The following COLEC11 variants were observed in gnomAD, a reference collection of about 807,000 sequenced individuals.
COLEC11 encodes collectin subfamily member 11, also known as collectin-11.
Under a neutral mutation model 27.3 loss-of-function variants are expected in COLEC11, and 20 were observed. The observed-to-expected ratio is 0.73, with a 90% CI of 0.51 to 1.06. COLEC11 has a LOEUF of 1.06. COLEC11 is among the 50% of genes least tolerant of loss of function. COLEC11 has a pLI of 0.00. For missense variants in COLEC11, 310 were observed against 383.0 expected (o/e 0.81, Z 1.59); for synonymous variants, 163 against 154.7 (o/e 1.05, Z -0.40).
chr2:3,630,686 G>C (rs578242540), intron 3 of COLEC11, among the ~76,000 whole-genome samples: 1 of 152,322 alleles, frequency 6.6e-6, no homozygotes, highest in African/African-American at 2.4e-5. Context: ...GAAGGGCTCT[G>C]GTGAAGCTTC....
At position 3,626,243 on chromosome 2, in the gene COLEC11, T is replaced by G. The variant is rs1202568753; in HGVS notation, c.203-11290T>G. ...GACGTGGTTTGCTGGGAGGGAGGAA[T>G]ATTGTTAGGCACAATGCGGTCCCAG... On this transcript the variant is annotated intron_variant, in intron 3 of 6. Coordinates refer to ENST00000349077, the MANE Select transcript of COLEC11 (RefSeq NM_024027.5). The G allele has an allele frequency of 3.8e-6, 3 of 785,806 alleles. No homozygotes were observed. The East Asian group carries it at 7.4e-5, about 19-fold the overall frequency. 48.7% of individuals were successfully genotyped at this position (785,806 alleles called of 1,614,324 possible). A position where few individuals can be genotyped will look rare whatever the true frequency, so the allele number is the denominator to read the frequency against.
At chr2:3,614,773 CAAAGT>C (rs1208984643) in intron 3 of COLEC11, among the ~76,000 whole-genome samples, 2 of 152,092 alleles carry the variant, frequency 1.3e-5, no homozygotes, top group Admixed American at 1.3e-4. Context: ...AGAAACCTGG[CAAAGT>C]AAACGAAAAA....
intron 4 of COLEC11, among the ~76,000 whole-genome samples, chr2:3,639,725 C>T (rs141678658): frequency 1.8e-4 from 27 of 152,016 alleles, no homozygotes; most frequent in African/African-American, 6.3e-4. Flanking sequence ...TGGCTTGTCC[C>T]ATCTAACTGG....
chr2:3,609,590 C>T (rs548811749), intron 2 of COLEC11, among the ~76,000 whole-genome samples: 3 of 151,246 alleles, frequency 2.0e-5, no homozygotes, highest in African/African-American at 2.4e-5. Context: ...AGTGCAATAG[C>T]GTGATCTTGG....
intron 2 of COLEC11, among the ~76,000 whole-genome samples, chr2:3,609,538 T>C (rs1051269393): frequency 6.6e-6 from 1 of 151,326 alleles, no homozygotes; most frequent in African/African-American, 2.4e-5. Flanking sequence ...TCCTGCTATT[T>C]TTTTTTTTGA....
intron 1 of COLEC11, among the ~76,000 whole-genome samples, chr2:3,598,971 T>C (rs1662043495): frequency 1.3e-5 from 2 of 152,172 alleles, no homozygotes; most frequent in Admixed American, 6.5e-5. Context: ...AAACCTATTT[T>C]TAAAAATCCC....
At chr2:3,621,107 TGTTGAAA>T (rs1157098857) in intron 3 of COLEC11, among the ~76,000 whole-genome samples, 1 of 152,212 alleles carries the variant, frequency 6.6e-6, no homozygotes, top group Non-Finnish European at 1.5e-5. Context: ...ATCTTTCCAT[TGTTGAAA>T]GTGAGGTATT....
intron 2 of COLEC11, chr2:3,605,988 C>T: frequency 1.4e-6 from 2 of 1,396,692 alleles, no homozygotes; most frequent in Admixed American, 2.2e-5. Flanking sequence ...ATAAATGTAC[C>T]TGCTTTAGAA....
In COLEC11 at chr2:3,604,563, A is replaced by T. The variant is rs1572389821; in HGVS notation, c.130+93A>T. ...ACTGCGCAGTTCCACGGAAAAGCAC[A>T]AAGCCCCAGCAAATCTGCTTACCCC... On this transcript the variant is annotated intron_variant, in intron 2 of 6. Coordinates refer to ENST00000349077, the MANE Select transcript of COLEC11 (RefSeq NM_024027.5). The T allele has an allele frequency of 2.8e-6, 4 of 1,421,452 alleles. No individual in the cohort carries two copies. In the Admixed American group the frequency reaches 6.7e-5, roughly 24 times the overall value. 88.1% of individuals were successfully genotyped at this position (1,421,452 alleles called of 1,614,324 possible).
chr2:3,631,868 C>T lies in COLEC11; in HGVS notation c.203-5665C>T, dbSNP rs116132081. Among the ~76,000 whole-genome samples the T allele has an allele frequency of 8.2e-3, 1,248 of 152,282 alleles. 12 individuals carry two copies. Among genetic ancestry groups the T allele is most frequent in the African/African-American group, 0.029 (1,185 of 41,546 alleles). ...GTCCTCCCACAGGAACACAATCCTG[C>T]GCCATGTGTCCAGCCCCTGGCTCTT... On this transcript the variant is annotated intron_variant, in intron 3 of 6. Transcript: ENST00000349077.
Position 3,644,257 on chromosome 2 carries a change from A to G in COLEC11, c.*139A>G. On this transcript the variant is annotated 3_prime_UTR_variant, in exon 7 of 7. Transcript: ENST00000349077. ...CTCACTGAGTAGAGGGCTGTTGTCT[A>G]AACTGAGAAAATGGCCTATGCTTAA... 3 of 1,074,718 alleles carry G rather than the reference A, an allele frequency of 2.8e-6. No individual in the cohort carries two copies. The South Asian group carries it at 3.9e-5, about 14-fold the overall frequency. 66.6% of individuals were successfully genotyped at this position (1,074,718 alleles called of 1,614,324 possible). A position where few individuals can be genotyped will look rare whatever the true frequency, so the allele number is the denominator to read the frequency against.
At chr2:3,605,885 C>A (rs994562848) in intron 2 of COLEC11, 21 of 545,548 alleles carry the variant, frequency 3.8e-5, no homozygotes, top group South Asian at 1.0e-4. Context: ...TGGCTGGGGG[C>A]TTTTTTCCGG....
chr2:3,613,279 G>T, intron 2 of COLEC11, 32 bp from the exon 3 acceptor site: 5 of 1,594,092 alleles, frequency 3.1e-6, no homozygotes, highest in South Asian at 1.1e-5. Context: ...CTGGCCAGAC[G>T]AGCTGCTAAA....
At chr2:3,605,212 G>C (rs1461160214) in intron 2 of COLEC11, 3 of 423,142 alleles carry the variant, frequency 7.1e-6, no homozygotes, top group Admixed American at 5.6e-5. Context: ...GGACAGCAGA[G>C]TGTGTGCCAG....
intron 1 of COLEC11, among the ~76,000 whole-genome samples, chr2:3,597,705 T>G (rs2147838895): frequency 6.6e-6 from 1 of 151,546 alleles, no homozygotes; most frequent in African/African-American, 2.4e-5. Flanking sequence ...CCAGTTTGCA[T>G]CCAGCAAACA....
chr2:3,636,481 C>T (rs114858338), intron 3 of COLEC11, among the ~76,000 whole-genome samples: 194 of 152,330 alleles, frequency 1.3e-3, no homozygotes, highest in African/African-American at 4.4e-3. Context: ...TCCCACCACC[C>T]ACTGTCTTGC....
rs1662346249 is a variant in COLEC11, at chr2:3,602,988, T to A, written c.-26-1327T>A. Among the ~76,000 whole-genome samples the A allele has an allele frequency of 6.6e-6, 1 of 152,248 alleles. No individual in the cohort carries two copies. Among genetic ancestry groups the A allele is most frequent in the Non-Finnish European group, 1.5e-5 (1 of 68,046 alleles). On this transcript the variant is annotated intron_variant, in intron 1 of 6. Coordinates refer to ENST00000349077, the MANE Select transcript of COLEC11 (RefSeq NM_024027.5). This position sits in a 1 kb window ranked among gnomAD's most constrained non-coding sequence, Gnocchi z 6.2. ...AAAAACATAAATGTTCTTGCTCTACTCCTGGTGCCTAGAGCTGTGCCTGAC... is the reference window on the plus strand; with the variant it reads ...AAAAACATAAATGTTCTTGCTCTACACCTGGTGCCTAGAGCTGTGCCTGAC...
At chr2:3,642,113 G>T (rs770901161) in intron 5 of COLEC11, among the ~76,000 whole-genome samples, 1 of 152,238 alleles carries the variant, frequency 6.6e-6, no homozygotes, top group African/African-American at 2.4e-5. Context: ...CAGTTGATTA[G>T]CGAGAGAAGA....
At chr2:3,636,694 G>T (rs1665438916) in intron 3 of COLEC11, among the ~76,000 whole-genome samples, 1 of 152,196 alleles carries the variant, frequency 6.6e-6, no homozygotes, top group South Asian at 2.1e-4. Flanking sequence ...GGTCAGTGGT[G>T]ATAACCAGCA....
Sources: gnomAD v4.1 joint callset for allele counts (sites outside exome capture counted in the v4.1 genomes callset) on GRCh38, gnomAD v4.1.1 for gene constraint, Gnocchi (gnomAD v3.1) non-coding constraint, MANE v1.5 for transcripts, NCBI Gene and HGNC (gene_info 2026-07-23, HGNC 2026-07-21) for gene names.